FGD4: variants seen among roughly 807,000 people sequenced by gnomAD.
FGD4 encodes FYVE, RhoGEF and PH domain-containing protein 4.
FGD4 carries 42 observed loss-of-function variants against 102.0 expected under a neutral mutation model. That is an observed-to-expected ratio of 0.41 (90% CI 0.32 to 0.53). The LOEUF (loss-of-function observed/expected upper bound fraction) is 0.53. Ranked by LOEUF, FGD4 falls within the 20% of genes least tolerant of loss-of-function variation. The pLI is 0.21. For missense variants in FGD4, 902 were observed against 1,078.2 expected (o/e 0.84, Z 2.29); for synonymous variants, 380 against 375.7 (o/e 1.01, Z -0.13).
At chr12:32,473,679 G>A (rs1466007421) in intron 1 of FGD4, among the ~76,000 whole-genome samples, 2 of 152,138 alleles carry the variant, frequency 1.3e-5, no homozygotes, top group Non-Finnish European at 2.9e-5. Context: ...TCAAACTGAA[G>A]ACCTATGAAT....
At chr12:32,588,975 C>T (rs1209051054) in intron 4 of FGD4, among the ~76,000 whole-genome samples, 1 of 152,184 alleles carries the variant, frequency 6.6e-6, no homozygotes, top group East Asian at 1.9e-4. Flanking sequence ...AACACAGACT[C>T]AAGAGCCAGG....
intron 1 of FGD4, among the ~76,000 whole-genome samples, chr12:32,468,602 C>T (rs34957239): frequency 0.11 from 16,818 of 152,046 alleles, 1,020 homozygotes; most frequent in Middle Eastern, 0.29. Context: ...TAGGCCTGGG[C>T]GCAGTGGCTC....
chr12:32,492,021 C>T (rs1291600197), intron 1 of FGD4, among the ~76,000 whole-genome samples: 1 of 152,150 alleles, frequency 6.6e-6, no homozygotes. Flanking sequence ...TGAAATTTTT[C>T]TAAAGTGAAC....
intron 1 of FGD4, among the ~76,000 whole-genome samples, chr12:32,502,533 A>C (rs1673327491): frequency 6.6e-6 from 1 of 152,186 alleles, no homozygotes; most frequent in South Asian, 2.1e-4. Flanking sequence ...ATGAAAAAAA[A>C]TTTAATCTTT....
At chr12:32,542,772 T>C (rs889372083) in intron 1 of FGD4, among the ~76,000 whole-genome samples, 3 of 152,248 alleles carry the variant, frequency 2.0e-5, no homozygotes, top group African/African-American at 7.2e-5. Context: ...TTTCTCCTTG[T>C]ATAGGAGCTT....
At chr12:32,548,394 G>C (rs1386212651) in intron 1 of FGD4, among the ~76,000 whole-genome samples, 1 of 152,108 alleles carries the variant, frequency 6.6e-6, no homozygotes, top group Non-Finnish European at 1.5e-5. Flanking sequence ...ATTTGCTTTT[G>C]TATTCTGAGA....
At chr12:32,598,906 A>G (rs549253269) in intron 5 of FGD4, among the ~76,000 whole-genome samples, 17 of 152,342 alleles carry the variant, frequency 1.1e-4, no homozygotes, top group South Asian at 8.3e-4. Context: ...TAAAATCTAA[A>G]TAAGATATTG....
intron 15 of FGD4, among the ~76,000 whole-genome samples, chr12:32,634,043 T>A (rs1479606853): frequency 6.6e-6 from 1 of 152,234 alleles, no homozygotes; most frequent in Non-Finnish European, 1.5e-5. Flanking sequence ...TAATATATCT[T>A]TGTTATTTCT....
rs1420546104 is a variant in FGD4 at position 32,644,021 on chromosome 12, T to A, written c.*3488T>A. 1 of 152,158 alleles carries A rather than the reference T, an allele frequency of 6.6e-6. No individual in the cohort carries two copies. Among genetic ancestry groups the A allele is most frequent in the Non-Finnish European group, 1.5e-5 (1 of 67,986 alleles). The allele number at this position is 152,158 out of a possible 1,614,324, so 9.4% of individuals were successfully genotyped here. On this transcript the variant is annotated 3_prime_UTR_variant, in exon 17 of 17. Coordinates refer to ENST00000534526, the MANE Select transcript of FGD4 (RefSeq NM_001370298.3). Reference sequence around the variant, plus strand: ...AAGCGTCTTGGGTTTTATAGGTATCTTTGCTATAATGCAGAATAGATTAAT... The same window carrying A: ...AAGCGTCTTGGGTTTTATAGGTATCATTGCTATAATGCAGAATAGATTAAT...
intron 4 of FGD4, among the ~76,000 whole-genome samples, chr12:32,587,874 C>T (rs1355408900): frequency 6.6e-6 from 1 of 152,088 alleles, no homozygotes; most frequent in East Asian, 1.9e-4. Flanking sequence ...ATTAATTAAG[C>T]AAGTGGAACT....
chr12:32,493,728 A>G (rs1944189205), intron 1 of FGD4, among the ~76,000 whole-genome samples: 1 of 152,346 alleles, frequency 6.6e-6, no homozygotes, highest in Non-Finnish European at 1.5e-5. Context: ...CCCTGTCCTT[A>G]TGGATTTTAC....
chr12:32,553,183 C>T (rs112858804), intron 1 of FGD4, among the ~76,000 whole-genome samples: 1 of 151,996 alleles, frequency 6.6e-6, no homozygotes, highest in East Asian at 1.9e-4. Context: ...GAGTGTTGGA[C>T]CTCTGGAGCC....
At chr12:32,415,451 C>T (rs1231648733) in intron 1 of FGD4, among the ~76,000 whole-genome samples, 1 of 130,858 alleles carries the variant, frequency 7.6e-6, no homozygotes, top group Non-Finnish European at 1.6e-5. Context: ...GAGACAGAGT[C>T]TCCCTGTGTC....
At chr12:32,632,849 T>TGAGCC (rs1426766757) in intron 14 of FGD4, among the ~76,000 whole-genome samples, 1 of 151,690 alleles carries the variant, frequency 6.6e-6, no homozygotes, top group Non-Finnish European at 1.5e-5. Context: ...ATTATAGGTG[T>TGAGCC]GAGCCACCAC....
chr12:32,528,904 A>G (rs540053384), intron 1 of FGD4, among the ~76,000 whole-genome samples: 5 of 152,340 alleles, frequency 3.3e-5, no homozygotes, highest in African/African-American at 7.2e-5. Flanking sequence ...GTGTGTGACT[A>G]TAAGTGAACA....
At chr12:32,558,655 G>A (rs1311158198) in intron 1 of FGD4, among the ~76,000 whole-genome samples, 1 of 152,198 alleles carries the variant, frequency 6.6e-6, no homozygotes, top group African/African-American at 2.4e-5. Context: ...CTAACCAATC[G>A]TAGGGCATAT....
intron 1 of FGD4, among the ~76,000 whole-genome samples, chr12:32,422,400 G>A (rs1017246505): frequency 1.4e-5 from 2 of 138,004 alleles, no homozygotes; most frequent in Non-Finnish European, 3.0e-5. Context: ...CCGAGTTCAC[G>A]CCATTCTCCT....
At chr12:32,513,993 C>T (rs544411430) in intron 1 of FGD4, among the ~76,000 whole-genome samples, 1 of 151,598 alleles carries the variant, frequency 6.6e-6, no homozygotes, top group South Asian at 2.1e-4. Context: ...TAAAGTGTAA[C>T]AATAAAAAGA....
intron 15 of FGD4, among the ~76,000 whole-genome samples, chr12:32,636,350 A>G (rs745417027): frequency 5.8e-4 from 89 of 152,236 alleles, no homozygotes; most frequent in Non-Finnish European, 6.0e-4. Flanking sequence ...CCTGACGAAC[A>G]TGGTGAAACC....
Sources: gnomAD v4.1 joint callset for allele counts (sites outside exome capture counted in the v4.1 genomes callset) on GRCh38, gnomAD v4.1.1 for gene constraint, MANE v1.5 for transcripts, NCBI Gene and HGNC (gene_info 2026-07-23, HGNC 2026-07-21) for gene names.